Variants in CBFA2T2 observed in about 807,000 individuals in gnomAD.
CBFA2T2 encodes the protein CBFA2/RUNX1 partner transcriptional co-repressor 2, also known as protein CBFA2T2.
In CBFA2T2, 11 loss-of-function variants were observed where a neutral mutation model predicts 62.2. That is an observed-to-expected ratio of 0.18 (90% CI 0.11 to 0.29). CBFA2T2 has a LOEUF of 0.29. Ranked by LOEUF, CBFA2T2 falls within the 10% of genes least tolerant of loss-of-function variation. The pLI, the probability that CBFA2T2 is intolerant of heterozygous loss-of-function variation, is 1.00. For missense variants in CBFA2T2, 592 were observed against 774.1 expected (o/e 0.76, Z 2.79); for synonymous variants, 295 against 287.5 (o/e 1.03, Z -0.27).
intron 1 of CBFA2T2, among the ~76,000 whole-genome samples, chr20:33,501,226 CAGTGAAA>C (rs1568787042): frequency 6.6e-6 from 1 of 152,192 alleles, no homozygotes; most frequent in Non-Finnish European, 1.5e-5. Flanking sequence ...GTAGCAGCTC[CAGTGAAA>C]TGTTAATATC....
At chr20:33,542,287 A>T (rs2012429175) in intron 1 of CBFA2T2, among the ~76,000 whole-genome samples, 1 of 152,082 alleles carries the variant, frequency 6.6e-6, no homozygotes, top group African/African-American at 2.4e-5. Flanking sequence ...TAAAACCAAT[A>T]ATCATTGGTA....
chr20:33,514,697 TTTATTA>T (rs914863061), intron 1 of CBFA2T2, among the ~76,000 whole-genome samples: 5 of 151,940 alleles, frequency 3.3e-5, no homozygotes, highest in Admixed American at 2.6e-4. Flanking sequence ...ATTTATTTAT[TTTATTA>T]TTATTATTTT....
At chr20:33,557,600 G>A (rs1329615400) in intron 1 of CBFA2T2, among the ~76,000 whole-genome samples, 4 of 151,984 alleles carry the variant, frequency 2.6e-5, no homozygotes, top group African/African-American at 7.2e-5. Flanking sequence ...TCAAACTCCT[G>A]GTGTCAAGCA....
intron 1 of CBFA2T2, among the ~76,000 whole-genome samples, chr20:33,593,503 C>T (rs915839185): frequency 6.7e-6 from 1 of 148,894 alleles, no homozygotes; most frequent in African/African-American, 2.5e-5. Flanking sequence ...AGTGATTCTC[C>T]AGTGTCAGCC....
rs971492305 is a variant in CBFA2T2 at position 33,647,581 on chromosome 20, G to T, written c.*2935G>T. On this transcript the variant is annotated 3_prime_UTR_variant, in exon 11 of 11. Coordinates refer to ENST00000342704, the MANE Select transcript of CBFA2T2 (RefSeq NM_001032999.3). ...TTACAGGCATGAGCCACTGTGTCCG[G>T]TCTTGAGCAGGTTTTTAAAATCTCC... The T allele has an allele frequency of 1.3e-5, 2 of 152,232 alleles. No individual in the cohort carries two copies. The highest frequency in any genetic ancestry group is 2.4e-5 in the African/African-American group (1 of 41,450). The allele number at this position is 152,232 out of a possible 1,614,324, so 9.4% of individuals were successfully genotyped here.
intron 1 of CBFA2T2, among the ~76,000 whole-genome samples, chr20:33,606,137 T>G (rs979027475): frequency 6.6e-6 from 1 of 152,178 alleles, no homozygotes; most frequent in Non-Finnish European, 1.5e-5. Flanking sequence ...TTGATTTATA[T>G]ATAACTGATT....
intron 1 of CBFA2T2, among the ~76,000 whole-genome samples, chr20:33,515,377 G>T (rs1227508449): frequency 1.3e-5 from 2 of 150,242 alleles, no homozygotes; most frequent in Non-Finnish European, 3.0e-5. Context: ...AAAAAGTGTG[G>T]CACTGCACAC....
At chr20:33,564,641 T>A (rs2013223482) in intron 1 of CBFA2T2, among the ~76,000 whole-genome samples, 1 of 152,100 alleles carries the variant, frequency 6.6e-6, no homozygotes, top group African/African-American at 2.4e-5. Flanking sequence ...TGCAGAAGCA[T>A]GATCATGGCT....
At chr20:33,548,036 G>T (rs2012630230) in intron 1 of CBFA2T2, among the ~76,000 whole-genome samples, 1 of 151,932 alleles carries the variant, frequency 6.6e-6, no homozygotes, top group Admixed American at 6.6e-5. Flanking sequence ...CTCCTTAAGT[G>T]CTGGGATTAC....
intron 1 of CBFA2T2, among the ~76,000 whole-genome samples, chr20:33,495,072 T>TG (rs1183737797): frequency 6.6e-6 from 1 of 152,100 alleles, no homozygotes; most frequent in Non-Finnish European, 1.5e-5. Context: ...TTAGGTCTAT[T>TG]GCTCTGATGA....
chr20:33,569,529 G>A (rs562191792), intron 1 of CBFA2T2, among the ~76,000 whole-genome samples: 4 of 152,150 alleles, frequency 2.6e-5, no homozygotes, highest in South Asian at 2.1e-4. Flanking sequence ...ACTCTAGATA[G>A]AATTTCAAGG....
intron 4 of CBFA2T2, among the ~76,000 whole-genome samples, chr20:33,619,816 A>C (rs754496460): frequency 2.0e-5 from 3 of 152,228 alleles, no homozygotes; most frequent in Non-Finnish European, 2.9e-5. Flanking sequence ...GTGTGCAGAC[A>C]CTGCTGCTAA....
rs547257346 is a variant in CBFA2T2, at chr20:33,498,642, G to A, written c.34+8341G>A. Among the ~76,000 whole-genome samples the A allele has an allele frequency of 8.2e-4, 125 of 152,208 alleles. 1 individual carries two copies. Among genetic ancestry groups the A allele is most frequent in the African/African-American group, 2.9e-3 (119 of 41,548 alleles). ...CACTCAGCTGTAGTCCCAGTTACTC[G>A]GAAGGCTGAGGTAGGAGGATCGCTT... On this transcript the variant is annotated intron_variant, in intron 1 of 10. Transcript: ENST00000342704.
rs1182043860 is a variant in CBFA2T2 at position 33,553,200 on chromosome 20, A to G, written c.35-53756A>G. ...TATTAGAACTTTTTTTTGTAAAGCT[A>G]CGTTGTTGCTATAAATCAGAGTTTA... On this transcript the variant is annotated intron_variant, in intron 1 of 10. Transcript: ENST00000342704. Among the ~76,000 whole-genome samples, 8 of 152,074 alleles carry G rather than the reference A, an allele frequency of 5.3e-5. No homozygotes were observed. In the East Asian group the frequency reaches 1.5e-3, roughly 29 times the overall value.
At chr20:33,527,667 C>G (rs6120291) in intron 1 of CBFA2T2, among the ~76,000 whole-genome samples, 2,991 of 152,108 alleles carry the variant, frequency 0.02, 108 homozygotes, top group African/African-American at 0.069. Flanking sequence ...GCCACCTCAC[C>G]CAGCCCTAAG....
At chr20:33,497,478 C>T (rs1474266568) in intron 1 of CBFA2T2, among the ~76,000 whole-genome samples, 3 of 150,992 alleles carry the variant, frequency 2.0e-5, no homozygotes, top group Non-Finnish European at 4.4e-5. Context: ...TTAAACCCTC[C>T]TTGAATTAAC....
chr20:33,569,786 A>G (rs566917133), intron 1 of CBFA2T2, among the ~76,000 whole-genome samples: 1 of 152,354 alleles, frequency 6.6e-6, no homozygotes, highest in East Asian at 1.9e-4. Context: ...AACAATTTCA[A>G]TGTTTTAAGC....
intron 1 of CBFA2T2, among the ~76,000 whole-genome samples, chr20:33,513,545 T>G (rs1471908146): frequency 1.3e-5 from 2 of 151,746 alleles, no homozygotes; most frequent in African/African-American, 4.8e-5. Context: ...TATTTTTTAG[T>G]AGAGACGGGG....
intron 1 of CBFA2T2, among the ~76,000 whole-genome samples, chr20:33,506,186 T>C (rs561572701): frequency 1.3e-5 from 2 of 151,928 alleles, no homozygotes; most frequent in Non-Finnish European, 2.9e-5. Flanking sequence ...AGTGGGAAAA[T>C]TGCTTGAGTC....
Sources: allele counts gnomAD v4.1 joint callset (sites outside exome capture counted in the v4.1 genomes callset), GRCh38; gene constraint gnomAD v4.1.1; transcripts MANE v1.5; gene names NCBI Gene and HGNC (gene_info 2026-07-23, HGNC 2026-07-21).